The following TMEM232 variants were observed in gnomAD, a reference collection of about 807,000 sequenced individuals.
TMEM232 encodes the protein transmembrane protein 232.
In TMEM232, 80 loss-of-function variants were observed where a neutral mutation model predicts 78.8. The observed-to-expected ratio is 1.01, with a 90% CI of 0.85 to 1.22. The LOEUF (loss-of-function observed/expected upper bound fraction) is 1.22, where lower values mean the gene tolerates loss of function less well. Ranked by LOEUF, TMEM232 falls within the 50% of genes most tolerant of loss-of-function variation. TMEM232 has a pLI of 0.00. For missense variants in TMEM232, 881 were observed against 742.2 expected, an observed-to-expected ratio of 1.19 and a Z score of -2.17; for synonymous variants, 297 against 254.3, an observed-to-expected ratio of 1.17 and a Z score of -1.60.
upstream of TMEM232, among the ~76,000 whole-genome samples, chr5:110,729,113 G>A (rs1029642000): frequency 2.0e-5 from 3 of 152,076 alleles, no homozygotes; most frequent in Non-Finnish European, 4.4e-5. Flanking sequence ...TCGAACTCCT[G>A]ACCTCAGGTA....
At chr5:110,487,652 T>A (rs967177881) in intron 12 of TMEM232, among the ~76,000 whole-genome samples, 2 of 152,096 alleles carry the variant, frequency 1.3e-5, no homozygotes, top group Non-Finnish European at 2.9e-5. Flanking sequence ...ATCCCTGGTA[T>A]AAAACCCACT....
At chr5:110,428,134 A>C in intron 12 of TMEM232, among the ~76,000 whole-genome samples, 1 of 151,022 alleles carries the variant, frequency 6.6e-6, no homozygotes, top group Admixed American at 6.6e-5. Context: ...CTTTCCCCCA[A>C]CCCCCTACTT....
At chr5:110,462,733 C>T (rs1488241587) in intron 12 of TMEM232, among the ~76,000 whole-genome samples, 2 of 152,118 alleles carry the variant, frequency 1.3e-5, no homozygotes, top group East Asian at 3.9e-4. Flanking sequence ...GAATAAACTC[C>T]CCTTTATATA....
intron 3 of TMEM232, among the ~76,000 whole-genome samples, chr5:110,392,703 A>G (rs978647068): frequency 1.4e-4 from 21 of 152,196 alleles, no homozygotes; most frequent in African/African-American, 4.1e-4. Context: ...ATATAAACCT[A>G]TCTCCCAAAG....
At chr5:110,466,349 G>A (rs905087875) in intron 12 of TMEM232, among the ~76,000 whole-genome samples, 1 of 152,118 alleles carries the variant, frequency 6.6e-6, no homozygotes, top group African/African-American at 2.4e-5. Flanking sequence ...GCAATTCCAT[G>A]GAGGAAATTA....
chr5:110,503,113 A>C (rs200057626), intron 12 of TMEM232, among the ~76,000 whole-genome samples: 1 of 146,158 alleles, frequency 6.8e-6, no homozygotes, highest in African/African-American at 2.7e-5. Flanking sequence ...TGTTTAGCTT[A>C]TTATTTTTAC....
chr5:110,578,957 C>T (rs1000882097), intron 10 of TMEM232, among the ~76,000 whole-genome samples: 3 of 151,806 alleles, frequency 2.0e-5, no homozygotes, highest in African/African-American at 4.8e-5. Flanking sequence ...TGGCTGGACA[C>T]TTCGCAAATC....
At chr5:110,454,060 A>G (rs1760611564) in intron 12 of TMEM232, among the ~76,000 whole-genome samples, 1 of 152,210 alleles carries the variant, frequency 6.6e-6, no homozygotes, top group Admixed American at 6.5e-5. Context: ...CTGTAATTAT[A>G]CTTGGGTAGT....
rs73222605 is a variant in TMEM232, at chr5:110,514,965, T to C, written c.1703+13623A>G. The stretch of plus-strand genomic sequence containing the variant: ...CGGCAGAAATTGAAAAAGAATTGTT[T>C]GAACATATTTTTAAACAATTGCTCA... On this transcript the variant is annotated intron_variant, in intron 12 of 13. Transcript: ENST00000455884. Among the ~76,000 whole-genome samples the C allele has an allele frequency of 3.6e-3, 555 of 152,344 alleles. 3 individuals carry two copies. Among genetic ancestry groups the C allele is most frequent in the African/African-American group, 0.012 (519 of 41,576 alleles).
chr5:110,619,819 T>C (rs1783405612), intron 7 of TMEM232, among the ~76,000 whole-genome samples: 1 of 152,056 alleles, frequency 6.6e-6, no homozygotes, highest in African/African-American at 2.4e-5. Context: ...TAAATATGTT[T>C]GACAAGTTAA....
chr5:110,532,526 A>G (rs948875275), intron 11 of TMEM232, among the ~76,000 whole-genome samples: 1 of 151,646 alleles, frequency 6.6e-6, no homozygotes, highest in African/African-American at 2.4e-5. Context: ...AAAACTCCCC[A>G]ACTCTGGTGC....
intron 11 of TMEM232, among the ~76,000 whole-genome samples, chr5:110,548,852 A>G (rs1774104975): frequency 6.6e-6 from 1 of 152,124 alleles, no homozygotes; most frequent in Admixed American, 6.5e-5. Flanking sequence ...TGTTGTAGTT[A>G]TATTTATTCA....
At chr5:110,606,944 A>G (rs1035840456) in intron 8 of TMEM232, among the ~76,000 whole-genome samples, 1 of 152,014 alleles carries the variant, frequency 6.6e-6, no homozygotes, top group Admixed American at 6.6e-5. Context: ...AACTAATAAG[A>G]GAACAAATTA....
chr5:110,436,319 A>G (rs188956755), intron 12 of TMEM232, among the ~76,000 whole-genome samples: 2 of 152,096 alleles, frequency 1.3e-5, no homozygotes, highest in African/African-American at 4.8e-5. Context: ...GAATTTTTCT[A>G]TAGAGTTGTT....
chr5:110,392,042 A>G (rs1449231125), intron 3 of TMEM232, among the ~76,000 whole-genome samples: 1 of 152,178 alleles, frequency 6.6e-6, no homozygotes, highest in East Asian at 1.9e-4. Flanking sequence ...ATTTCTTTGT[A>G]TGTTCTACTA....
chr5:110,498,625 A>G (rs1051293182), intron 12 of TMEM232, among the ~76,000 whole-genome samples: 9 of 152,168 alleles, frequency 5.9e-5, no homozygotes, highest in Non-Finnish European at 1.0e-4. Flanking sequence ...CTGGGTGATA[A>G]CATAAACATT....
intron 1 of TMEM232, among the ~76,000 whole-genome samples, chr5:110,690,451 G>A (rs566202719): frequency 3.9e-5 from 6 of 152,102 alleles, no homozygotes; most frequent in Admixed American, 1.3e-4. Flanking sequence ...TTAGAATGGC[G>A]ATCATTAAAA....
intron 2 of TMEM232, among the ~76,000 whole-genome samples, chr5:110,664,237 T>C (rs1790244753): frequency 1.3e-5 from 2 of 152,242 alleles, no homozygotes; most frequent in East Asian, 3.9e-4. Flanking sequence ...TGTCAAAAAT[T>C]TGGAAAATAA....
At chr5:110,656,397 C>T (rs1195644577) in intron 2 of TMEM232, among the ~76,000 whole-genome samples, 1 of 152,142 alleles carries the variant, frequency 6.6e-6, no homozygotes, top group Non-Finnish European at 1.5e-5. Flanking sequence ...GCCTTATATC[C>T]TTATGTTAAT....
Sources: gnomAD v4.1 joint callset for allele counts (sites outside exome capture counted in the v4.1 genomes callset) on GRCh38, gnomAD v4.1.1 for gene constraint, MANE v1.5 for transcripts, NCBI Gene and HGNC (gene_info 2026-07-23, HGNC 2026-07-21) for gene names.